The following CLIP1 variants were observed in gnomAD, a reference collection of about 807,000 sequenced individuals.
The protein encoded by CLIP1 is CAP-Gly domain containing linker protein 1.
In CLIP1, 66 loss-of-function variants were observed where a neutral mutation model predicts 161.6. The observed-to-expected ratio is 0.41, with a 90% confidence interval of 0.33 to 0.50. The LOEUF is 0.50. CLIP1 is among the 20% of genes least tolerant of loss of function. The pLI is 0.27. For missense variants in CLIP1, 1,376 were observed against 1,702.0 expected (o/e 0.81, Z 3.37); for synonymous variants, 598 against 626.2 (o/e 0.96, Z 0.67).
At chr12:122,388,306 G>A (rs1480477748) in intron 1 of CLIP1, among the ~76,000 whole-genome samples, 2 of 151,076 alleles carry the variant, frequency 1.3e-5, no homozygotes, top group Non-Finnish European at 2.9e-5. Flanking sequence ...TGCAAGCTCC[G>A]CCTCCCGGGT....
At chr12:122,398,595 T>C (rs1408667095) in intron 1 of CLIP1, among the ~76,000 whole-genome samples, 1 of 152,074 alleles carries the variant, frequency 6.6e-6, no homozygotes, top group South Asian at 2.1e-4. Flanking sequence ...TGCCCAGGCA[T>C]GGTGGCTCAC....
intron 21 of CLIP1, among the ~76,000 whole-genome samples, chr12:122,284,650 T>C (rs1314891944): frequency 6.6e-6 from 1 of 152,130 alleles, no homozygotes; most frequent in Non-Finnish European, 1.5e-5. Flanking sequence ...CTGCACCTGG[T>C]CATGTTCCAT....
At chr12:122,388,946 A>C (rs1955456062) in intron 1 of CLIP1, among the ~76,000 whole-genome samples, 2 of 152,178 alleles carry the variant, frequency 1.3e-5, no homozygotes, top group Non-Finnish European at 2.9e-5. Flanking sequence ...CTTCTCAATG[A>C]TATGGACATA....
intron 1 of CLIP1, among the ~76,000 whole-genome samples, chr12:122,381,064 A>G (rs1954990404): frequency 6.6e-6 from 1 of 152,078 alleles, no homozygotes; most frequent in Non-Finnish European, 1.5e-5. Flanking sequence ...CAAAAACAAA[A>G]ATAAGCAATT....
chr12:122,356,786 C>A (rs545283813), intron 5 of CLIP1, among the ~76,000 whole-genome samples: 1 of 152,282 alleles, frequency 6.6e-6, no homozygotes, highest in East Asian at 1.9e-4. Context: ...TGCAGGCGCG[C>A]GCCGCCACGC....
chr12:122,290,938 G>C (rs1270936499), intron 20 of CLIP1, among the ~76,000 whole-genome samples: 1 of 150,142 alleles, frequency 6.7e-6, no homozygotes, highest in Admixed American at 6.7e-5. Context: ...TGTTGCCCAG[G>C]CTGGAGTGCA....
intron 1 of CLIP1, among the ~76,000 whole-genome samples, chr12:122,392,518 A>G (rs1410548075): frequency 2.0e-5 from 3 of 152,154 alleles, no homozygotes; most frequent in Admixed American, 6.6e-5. Context: ...CCCAGCAATG[A>G]ATCCCAAAGT....
rs1176065013 is a variant in CLIP1 at position 122,340,885 on chromosome 12, G to A, written c.2319C>T (p.Leu773=). 1.2e-5 allele frequency: 20 copies of A among 1,614,142 alleles called. No individual in the cohort carries two copies. The highest frequency in any genetic ancestry group is 1.7e-5 in the Non-Finnish European group (20 of 1,180,022). ...CTTTCCGAAGTGCATCAAGATCCAA[G>A]AGCTTTTCTTCAGTAGCCTTGAGCT... The part of the protein sequence containing the change: ...TSQLKATEEK[L]LDLDALRKAS... Residue 773 remains leucine, a synonymous_variant, in exon 11 of 26, where the codon CTC becomes CTT. Transcript: ENST00000620786.
At chr12:122,310,146 C>G (rs1034649846) in intron 19 of CLIP1, among the ~76,000 whole-genome samples, 1 of 152,058 alleles carries the variant, frequency 6.6e-6, no homozygotes, top group Non-Finnish European at 1.5e-5. Context: ...AAACTTACCC[C>G]ATAAAAAAGG....
intron 19 of CLIP1, among the ~76,000 whole-genome samples, chr12:122,314,352 TCTCAG>T (rs926864929): frequency 7.3e-5 from 11 of 149,750 alleles, no homozygotes; most frequent in African/African-American, 2.7e-4. Flanking sequence ...GCGCCTGTAA[TCTCAG>T]CTACTTGGGA....
intron 19 of CLIP1, among the ~76,000 whole-genome samples, chr12:122,312,896 G>A (rs183312253): frequency 6.6e-6 from 1 of 152,300 alleles, no homozygotes; most frequent in Non-Finnish European, 1.5e-5. Context: ...AACCACGGAA[G>A]AAGTAAGCAG....
chr12:122,347,828 T>C (rs1952821497), intron 9 of CLIP1, among the ~76,000 whole-genome samples: 1 of 152,198 alleles, frequency 6.6e-6, no homozygotes, highest in South Asian at 2.1e-4. Context: ...TCCCTCCCTC[T>C]AAACTATCAT....
chr12:122,355,660 C>G lies in CLIP1; in HGVS notation c.1006-348G>C, dbSNP rs1471559976. On this transcript the variant is annotated intron_variant, in intron 5 of 25. Coordinates refer to ENST00000620786, the MANE Select transcript of CLIP1 (RefSeq NM_001247997.2). This position sits in a 1 kb window ranked among gnomAD's most constrained non-coding sequence, Gnocchi z 4.1. The stretch of plus-strand genomic sequence containing the variant: ...TCTCTACTAAAAATACAAAAATTAG[C>G]TGGAGTGCAGTGGTGCGATCTCAGC... 4.4e-6 allele frequency: 1 copy of G among 228,672 alleles called. No individual in the cohort carries two copies. Among genetic ancestry groups the G allele is most frequent in the Non-Finnish European group, 8.6e-6 (1 of 115,950 alleles). 14.2% of individuals were successfully genotyped at this position (228,672 alleles called of 1,614,324 possible).
chr12:122,276,382 C>CACACACACACACACA, intron 24 of CLIP1: 3 of 1,162,150 alleles, frequency 2.6e-6, no homozygotes, highest in African/African-American at 1.7e-5. Flanking sequence ...TAGTGGGAAA[C>CACACACACACACACA]CACACACACA....
intron 1 of CLIP1, among the ~76,000 whole-genome samples, chr12:122,390,196 T>TATATATAA (rs1421512147): frequency 8.1e-5 from 8 of 98,882 alleles, no homozygotes; most frequent in South Asian, 3.2e-4. Context: ...TATATATATA[T>TATATATAA]AATATATATA....
intron 1 of CLIP1, among the ~76,000 whole-genome samples, chr12:122,389,180 G>A (rs1333485452): frequency 6.6e-6 from 1 of 152,176 alleles, no homozygotes; most frequent in East Asian, 1.9e-4. Context: ...CCCATGGCAA[G>A]TCTGTGCCCC....
At chr12:122,319,438 A>T (rs1252547260) in intron 17 of CLIP1, 90 bp from the exon 18 acceptor site, 1 of 935,286 alleles carries the variant, frequency 1.1e-6, no homozygotes, top group Admixed American at 1.8e-5. Flanking sequence ...GGCAGCACTC[A>T]GTGTCTGTGT....
At chr12:122,390,172 G>GATATATATAT (rs71082979) in intron 1 of CLIP1, among the ~76,000 whole-genome samples, 2,262 of 93,390 alleles carry the variant, frequency 0.024, 57 homozygotes, top group Middle Eastern at 0.039. Flanking sequence ...CACAGTCTCA[G>GATATATATAT]ATATATATAT....
intron 21 of CLIP1, among the ~76,000 whole-genome samples, chr12:122,286,520 TAA>T (rs57260606): frequency 0.056 from 1,569 of 27,906 alleles, 35 homozygotes; most frequent in African/African-American, 0.16. Flanking sequence ...GACTCTGTCT[TAA>T]AAAAAAAAAA....
Sources: allele counts gnomAD v4.1 joint callset (sites outside exome capture counted in the v4.1 genomes callset), GRCh38; gene constraint gnomAD v4.1.1; non-coding constraint Gnocchi (gnomAD v3.1); transcripts MANE v1.5; gene names NCBI Gene and HGNC (gene_info 2026-07-23, HGNC 2026-07-21).